The following TIFA variants were observed in gnomAD, a reference collection of about 807,000 sequenced individuals.
TIFA encodes the protein TRAF-interacting protein with FHA domain-containing protein A.
For synonymous variants in TIFA, 75 were observed against 79.2 expected (o/e 0.95, Z 0.28); for missense variants, 186 against 215.2 (o/e 0.86, Z 0.85).
At chr4:112,280,035 T>C (rs534791992) in intron 1 of TIFA, among the ~76,000 whole-genome samples, 1 of 152,260 alleles carries the variant, frequency 6.6e-6, no homozygotes, top group Non-Finnish European at 1.5e-5. Flanking sequence ...ATATACCTCA[T>C]TCTTTAACAG....
chr4:112,280,245 T>C (rs1727202102), intron 1 of TIFA, among the ~76,000 whole-genome samples: 3 of 152,094 alleles, frequency 2.0e-5, no homozygotes, highest in Admixed American at 1.3e-4. Flanking sequence ...GTTTGCCATC[T>C]ATATTAGATG....
Position 112,278,360 on chromosome 4 carries a change from C to T in TIFA, c.57G>A (p.Thr19=), listed in dbSNP as rs761391882. Residue 19 remains threonine, a synonymous_variant, in exon 2 of 2, where the codon ACG becomes ACA. Coordinates refer to ENST00000361717, the MANE Select transcript of TIFA (RefSeq NM_052864.3). Reference sequence around the variant, plus strand: ...ACTGCAACTGGCCAGGATGGTAAACCGTCATCTGGAGACAAGTTACTGTCT... The same window carrying T: ...ACTGCAACTGGCCAGGATGGTAAACTGTCATCTGGAGACAAGTTACTGTCT... ...TEETVTCLQM[T]VYHPGQLQCG... is the part of the protein sequence containing the mutation. 2.4e-5 allele frequency: 38 copies of T among 1,605,026 alleles called. No individual in the cohort carries two copies. The highest frequency in any genetic ancestry group is 2.9e-5 in the Non-Finnish European group (34 of 1,175,598).
At chr4:112,278,645 C>T (rs1251090665) in intron 1 of TIFA, among the ~76,000 whole-genome samples, 1 of 152,172 alleles carries the variant, frequency 6.6e-6, no homozygotes, top group East Asian at 1.9e-4. Context: ...CTATCTTTTT[C>T]ATTTCTAGTT....
rs973726666 is a variant in TIFA at position 112,285,779 on chromosome 4, G to A, written c.-158C>T. ...CCGCGCGGGTAAGTGTGAGCCCCGG[G>A]GTGCGGGGAACCGAGCCAGGGACCA... On this transcript the variant is annotated 5_prime_UTR_variant, in exon 1 of 2. Transcript: ENST00000361717. 6.6e-6 allele frequency: 1 copy of A among 152,316 alleles called. No individual in the cohort carries two copies. Among genetic ancestry groups the A allele is most frequent in the African/African-American group, 2.4e-5 (1 of 41,470 alleles). The allele number at this position is 152,316 out of a possible 1,614,324, so 9.4% of individuals were successfully genotyped here.
At position 112,276,380 on chromosome 4, in the gene TIFA, C is replaced by G. The variant is rs1421847315; in HGVS notation, c.*1482G>C. ...TTTACGGATCCGGTGATCAATTGGG[C>G]ACACCCAGATAATCCAGCATAATCT... is the stretch of plus-strand genomic sequence containing the variant. On this transcript the variant is annotated 3_prime_UTR_variant, in exon 2 of 2. Transcript: ENST00000361717. 2 of 153,312 alleles carry G rather than the reference C, an allele frequency of 1.3e-5. No individual in the cohort carries two copies. The highest frequency in any genetic ancestry group is 2.9e-5 in the Non-Finnish European group (2 of 68,100). The allele number at this position is 153,312 out of a possible 1,614,324, so 9.5% of individuals were successfully genotyped here. A position where few individuals can be genotyped will look rare whatever the true frequency, so the allele number is the denominator to read the frequency against.
intron 1 of TIFA, 135 bp from the exon 2 acceptor site, chr4:112,278,569 T>G: frequency 1.6e-6 from 1 of 641,776 alleles, no homozygotes; most frequent in African/African-American, 1.8e-5. Context: ...AGACAATACT[T>G]TCAGTGAACT....
rs1006720667 is a variant in TIFA at position 112,277,412 on chromosome 4, G to C, written c.*450C>G. The C allele has an allele frequency of 1.3e-5, 2 of 157,210 alleles. No homozygotes were observed. The highest frequency in any genetic ancestry group is 4.8e-5 in the African/African-American group (2 of 41,446). The allele number at this position is 157,210 out of a possible 1,614,324, so 9.7% of individuals were successfully genotyped here. A position where few individuals can be genotyped will look rare whatever the true frequency, so the allele number is the denominator to read the frequency against. ...CTAGCCTAGAACCTATTCCAGTACTGCAAGTACTGACAGGCTGCAAACACC... is the reference window on the plus strand; with the variant it reads ...CTAGCCTAGAACCTATTCCAGTACTCCAAGTACTGACAGGCTGCAAACACC... On this transcript the variant is annotated 3_prime_UTR_variant, in exon 2 of 2. Transcript: ENST00000361717.
chr4:112,282,615 T>C (rs1331467570), intron 1 of TIFA, among the ~76,000 whole-genome samples: 1 of 152,136 alleles, frequency 6.6e-6, no homozygotes, highest in African/African-American at 2.4e-5. Context: ...TGACAGTCGA[T>C]TTGCAGACCA....
intron 1 of TIFA, among the ~76,000 whole-genome samples, chr4:112,280,033 C>A (rs886691975): frequency 1.1e-4 from 16 of 152,150 alleles, no homozygotes; most frequent in African/African-American, 3.9e-4. Flanking sequence ...AAATATACCT[C>A]ATTCTTTAAC....
In TIFA at chr4:112,274,861, T is replaced by A. The variant is rs1727075322; in HGVS notation, c.*3001A>T. 1 of 152,144 alleles carries A rather than the reference T, an allele frequency of 6.6e-6. No homozygotes were observed. The highest frequency in any genetic ancestry group is 2.4e-5 in the African/African-American group (1 of 41,426). The allele number at this position is 152,144 out of a possible 1,614,324, so 9.4% of individuals were successfully genotyped here. ...CTGCATTAGATAGTAGGAACAGAATTCTCTAGAAAATGGTTATATGGCCTA... is the reference window on the plus strand; with the variant it reads ...CTGCATTAGATAGTAGGAACAGAATACTCTAGAAAATGGTTATATGGCCTA... On this transcript the variant is annotated 3_prime_UTR_variant, in exon 2 of 2. Coordinates refer to ENST00000361717, the MANE Select transcript of TIFA (RefSeq NM_052864.3).
chr4:112,276,478 A>G lies in TIFA; in HGVS notation c.*1384T>C, dbSNP rs1332440218. On this transcript the variant is annotated 3_prime_UTR_variant, in exon 2 of 2. Transcript: ENST00000361717. ...ACAGTTACAAGTTCTGGAGACTAGC[A>G]CATGGACATCTGGACATCTTTGGAT... The G allele has an allele frequency of 6.5e-6, 1 of 152,750 alleles. No individual in the cohort carries two copies. Among genetic ancestry groups the G allele is most frequent in the Non-Finnish European group, 1.5e-5 (1 of 68,082 alleles). 9.5% of individuals were successfully genotyped at this position (152,750 alleles called of 1,614,324 possible).
At position 112,276,027 on chromosome 4, in the gene TIFA, G is replaced by C. The variant is rs1488633144; in HGVS notation, c.*1835C>G. ...CAATAGTAGATAACCTTATATTAAAGGGAGTATATTAGTTTTCTATCTGCT... is the reference window on the plus strand; with the variant it reads ...CAATAGTAGATAACCTTATATTAAACGGAGTATATTAGTTTTCTATCTGCT... On this transcript the variant is annotated 3_prime_UTR_variant, in exon 2 of 2. Coordinates refer to ENST00000361717, the MANE Select transcript of TIFA (RefSeq NM_052864.3). The C allele has an allele frequency of 1.3e-5, 2 of 152,182 alleles. No individual in the cohort carries two copies. Among genetic ancestry groups the C allele is most frequent in the African/African-American group, 2.4e-5 (1 of 41,436 alleles). The allele number at this position is 152,182 out of a possible 1,614,324, so 9.4% of individuals were successfully genotyped here.
chr4:112,280,604 G>T (rs1170269829), intron 1 of TIFA, among the ~76,000 whole-genome samples: 2 of 151,756 alleles, frequency 1.3e-5, no homozygotes, highest in Non-Finnish European at 2.9e-5. Context: ...CCCACCCTCG[G>T]TCTCTCAAAG....
At chr4:112,279,990 T>C (rs1289499093) in intron 1 of TIFA, among the ~76,000 whole-genome samples, 3 of 151,284 alleles carry the variant, frequency 2.0e-5, no homozygotes, top group African/African-American at 7.3e-5. Context: ...TAATAATACA[T>C]ATGGGTGATA....
intron 1 of TIFA, 44 bp from the exon 2 acceptor site, chr4:112,278,478 G>C (rs1465660427): frequency 1.4e-6 from 2 of 1,479,934 alleles, no homozygotes; most frequent in Non-Finnish European, 1.8e-6. Flanking sequence ...TTATGCTTGA[G>C]GCATTGAGAA....
In TIFA at chr4:112,277,786, C is replaced by G. The variant is rs1727145974; in HGVS notation, c.*76G>C. On this transcript the variant is annotated 3_prime_UTR_variant, in exon 2 of 2. Transcript: ENST00000361717. ...GATGACTATAATATACTACCCTAAT[C>G]AACTCTTATTTAGTGTCTATACAGC... 1 of 1,394,422 alleles carries G rather than the reference C, an allele frequency of 7.2e-7. No homozygotes were observed. Among genetic ancestry groups the G allele is most frequent in the Non-Finnish European group, 9.6e-7 (1 of 1,044,262 alleles). The allele number at this position is 1,394,422 out of a possible 1,614,324, so 86.4% of individuals were successfully genotyped here.
In TIFA at chr4:112,275,637, A is replaced by C. The variant is rs1341162795; in HGVS notation, c.*2225T>G. On this transcript the variant is annotated 3_prime_UTR_variant, in exon 2 of 2. Transcript: ENST00000361717. ...TGAAGAAAAGAAAATAGAATAAAAA[A>C]TTTAATATTTCTCAAGTTGAACAAA... The C allele has an allele frequency of 6.6e-6, 1 of 152,244 alleles. No individual in the cohort carries two copies. Among genetic ancestry groups the C allele is most frequent in the East Asian group, 1.9e-4 (1 of 5,202 alleles). The allele number at this position is 152,244 out of a possible 1,614,324, so 9.4% of individuals were successfully genotyped here.
chr4:112,285,263 G>A (rs566128277), intron 1 of TIFA, among the ~76,000 whole-genome samples: 27 of 152,138 alleles, frequency 1.8e-4, no homozygotes, highest in Non-Finnish European at 2.9e-4. Context: ...GCGTGGGGCC[G>A]TAGCAGTTGG....
rs982534639 is a variant in TIFA, at chr4:112,274,621, C to T, written c.*3241G>A. 1.3e-5 allele frequency: 2 copies of T among 152,166 alleles called. No homozygotes were observed. Among genetic ancestry groups the T allele is most frequent in the Admixed American group, 1.3e-4 (2 of 15,274 alleles). The allele number at this position is 152,166 out of a possible 1,614,324, so 9.4% of individuals were successfully genotyped here. A position where few individuals can be genotyped will look rare whatever the true frequency, so the allele number is the denominator to read the frequency against. On this transcript the variant is annotated 3_prime_UTR_variant, in exon 2 of 2. Coordinates refer to ENST00000361717, the MANE Select transcript of TIFA (RefSeq NM_052864.3). ...GAGCCAGGAGGTAACATAAAACCAT[C>T]CACCACATATACACACACACAAAGT...
Sources: gnomAD v4.1 joint callset for allele counts (sites outside exome capture counted in the v4.1 genomes callset) on GRCh38, gnomAD v4.1.1 for gene constraint, MANE v1.5 for transcripts, NCBI Gene and HGNC (gene_info 2026-07-23, HGNC 2026-07-21) for gene names.